ADGRE5: variants seen among roughly 807,000 people sequenced by gnomAD.
ADGRE5 encodes adhesion G protein-coupled receptor E5, also known as CD97 molecule.
ADGRE5 carries 72 observed loss-of-function variants against 100.3 expected under a neutral mutation model. The ratio of observed to expected loss-of-function variants is 0.72; its 90% CI spans 0.59 to 0.87. The LOEUF is 0.87. Among genes scored for constraint, ADGRE5 ranks in the 40% least tolerant of loss-of-function variants. The pLI, the probability that ADGRE5 is intolerant of heterozygous loss-of-function variation, is 0.00. For missense variants in ADGRE5, 959 were observed against 1,094.7 expected (o/e 0.88, Z 1.75); for synonymous variants, 439 against 447.8 (o/e 0.98, Z 0.25).
At chr19:14,385,335 C>T (rs1247509590) in intron 1 of ADGRE5, among the ~76,000 whole-genome samples, 1 of 151,930 alleles carries the variant, frequency 6.6e-6, no homozygotes, top group African/African-American at 2.4e-5. Flanking sequence ...CTCTCTGTCT[C>T]TTTGTGTCTC....
At position 14,406,911 on chromosome 19, in the gene ADGRE5, CAGA is replaced by C. The variant is rs1381247241; in HGVS notation, c.2161_2163del (p.Lys721del). ...CGTGACTACCGTCTGGAAGCTCACT[CAGA>C]AGTTTTCTGAAATCAATCCAGACAT... On this transcript the variant is annotated inframe_deletion, in exon 17 of 20. Transcript: ENST00000242786. The surrounding 1 kb of genome is among the most constrained non-coding windows in gnomAD (Gnocchi z 6.0). 2 of 1,614,162 alleles carry C rather than the reference CAGA, an allele frequency of 1.2e-6. No individual in the cohort carries two copies. Among genetic ancestry groups the C allele is most frequent in the African/African-American group, 1.3e-5 (1 of 75,052 alleles).
intron 6 of ADGRE5, 21 bp downstream of exon 6, chr19:14,397,244 G>A (rs553125179): frequency 4.3e-6 from 7 of 1,613,892 alleles, no homozygotes; most frequent in South Asian, 3.3e-5. Context: ...CAGATCCCAC[G>A]TTTCTAGCGA....
chr19:14,404,189 C>T (rs1422253681), intron 12 of ADGRE5, among the ~76,000 whole-genome samples, 194 bp from the exon 13 acceptor site: 2 of 152,184 alleles, frequency 1.3e-5, no homozygotes, highest in African/African-American at 4.8e-5. Context: ...ACCTCTCCCA[C>T]TCTTATGTCA....
At chr19:14,396,959 A>G in intron 5 of ADGRE5, 118 bp from the exon 6 acceptor site, 1 of 1,289,272 alleles carries the variant, frequency 7.8e-7, no homozygotes, top group Non-Finnish European at 1.1e-6. Flanking sequence ...AAGTGGCGGC[A>G]TGTGCAATAA....
intron 1 of ADGRE5, among the ~76,000 whole-genome samples, chr19:14,382,041 C>T (rs1445680899): frequency 6.6e-6 from 1 of 152,206 alleles, no homozygotes; most frequent in African/African-American, 2.4e-5. Flanking sequence ...CCCCGCAGAC[C>T]TGGCTGGGGC....
chr19:14,399,291 G>A lies in ADGRE5; in HGVS notation c.897+1152G>A, dbSNP rs567706368. On this transcript the variant is annotated intron_variant, in intron 9 of 19. Transcript: ENST00000242786. ...TATAAAAGCTTTCCTGGCCAAGCAC[G>A]GTGGCTCACGCCTGTAATCCCAGCA... Among the ~76,000 whole-genome samples the A allele has an allele frequency of 1.5e-4, 23 of 151,738 alleles. No individual in the cohort carries two copies. In the East Asian group the frequency reaches 2.9e-3, roughly 19 times the overall value.
At position 14,396,331 on chromosome 19, in the gene ADGRE5, T is replaced by C; in HGVS notation, c.347-11T>C. On this transcript the variant is annotated splice_polypyrimidine_tract_variant and intron_variant, in intron 4 of 19. Transcript: ENST00000242786. ...CTACGGGCATCCTTCACCCTCTCCT[T>C]CCTCTTGCAGATGTGGACGAATGTC... is the stretch of plus-strand genomic sequence containing the variant. 1 of 1,614,230 alleles carries C rather than the reference T, an allele frequency of 6.2e-7. No homozygotes were observed.
chr19:14,408,113 G>A lies in ADGRE5; in HGVS notation c.2500G>A (p.Gly834Ser), dbSNP rs143619017. The part of the protein sequence containing the change: ...QTRALRASES[G>S]I The stretch of plus-strand genomic sequence containing the variant: ...CCAGGCCCTCAGGGCATCAGAGTCC[G>A]GCATATGAAGGCGCATGGTTCTGGA... Residue 834 changes from glycine (G) to serine (S), a missense_variant, in exon 20 of 20, where the codon GGC (glycine) becomes AGC (serine). Physicochemically the swap from Gly to Ser is moderately conservative, Grantham distance 56. Transcript: ENST00000242786. 1.1e-4 allele frequency: 185 copies of A among 1,613,240 alleles called. 1 individual carries two copies. Among genetic ancestry groups the A allele is most frequent in the Admixed American group, 1.7e-4 (10 of 60,006 alleles).
In ADGRE5 at chr19:14,407,235, G is replaced by A. The variant is rs556271566; in HGVS notation, c.2376+6G>A. 3.7e-6 allele frequency: 6 copies of A among 1,613,784 alleles called. No individual in the cohort carries two copies. Among genetic ancestry groups the A allele is most frequent in the East Asian group, 4.5e-5 (2 of 44,900 alleles). On this transcript the variant is annotated splice_donor_region_variant and intron_variant, in intron 18 of 19. Transcript: ENST00000242786. ...ACTGCCTGCTCAACAAGAAGGTGGG[G>A]GCCTGGGCACAGTGGCGCACGCCTG...
In ADGRE5 at chr19:14,407,838, C is replaced by T. The variant is rs917229418; in HGVS notation, c.2377-70C>T. The T allele has an allele frequency of 3.1e-6, 4 of 1,302,954 alleles. No homozygotes were observed. In the African/African-American group the frequency reaches 4.4e-5, roughly 14 times the overall value. 80.7% of individuals were successfully genotyped at this position (1,302,954 alleles called of 1,614,324 possible). A position where few individuals can be genotyped will look rare whatever the true frequency, so the allele number is the denominator to read the frequency against. ...AACACCAAGAAGGTGGGGCTGAGGG[C>T]AGAGCATGGGGAGGAGCGTGCATGG... On this transcript the variant is annotated intron_variant, in intron 18 of 19. Transcript: ENST00000242786.
At chr19:14,387,344 G>A (rs925186461) in intron 1 of ADGRE5, among the ~76,000 whole-genome samples, 30 of 152,022 alleles carry the variant, frequency 2.0e-4, no homozygotes, top group African/African-American at 5.1e-4. Context: ...AGCCGAGCTC[G>A]GGAGGCTGAG....
chr19:14,381,613 G>A, intron 1 of ADGRE5, 68 bp downstream of exon 1: 1 of 1,542,126 alleles, frequency 6.5e-7, no homozygotes, highest in East Asian at 2.3e-5. Flanking sequence ...CTGCGTCTGA[G>A]AAACGGGAGG....
intron 1 of ADGRE5, among the ~76,000 whole-genome samples, chr19:14,382,285 G>A (rs1975185877): frequency 2.0e-5 from 3 of 152,188 alleles, no homozygotes; most frequent in Admixed American, 2.0e-4. Flanking sequence ...CAAGTGGCAG[G>A]TGTCAGCTCA....
chr19:14,400,783 C>A (rs1356087581), intron 9 of ADGRE5, among the ~76,000 whole-genome samples: 2 of 151,918 alleles, frequency 1.3e-5, no homozygotes, highest in East Asian at 3.9e-4. Flanking sequence ...CAGAGTGAGA[C>A]TTAGTCTCAG....
At chr19:14,392,758 C>T (rs1975644674) in intron 4 of ADGRE5, among the ~76,000 whole-genome samples, 1 of 151,662 alleles carries the variant, frequency 6.6e-6, no homozygotes, top group Non-Finnish European at 1.5e-5. Flanking sequence ...CAAAAATTAG[C>T]TGGGTGTGGT....
chr19:14,390,783 C>T, intron 3 of ADGRE5, 141 bp from the exon 4 acceptor site: 1 of 959,352 alleles, frequency 1.0e-6, no homozygotes, highest in Non-Finnish European at 1.6e-6. Context: ...CCAGCTGCAG[C>T]ATAGCCTGTG....
chr19:14,392,323 CAG>C (rs1975630197), intron 4 of ADGRE5, among the ~76,000 whole-genome samples: 1 of 143,442 alleles, frequency 7.0e-6, no homozygotes, highest in Non-Finnish European at 1.5e-5. Flanking sequence ...GTTTTTGAGA[CAG>C]AGTCTCACTC....
chr19:14,401,597 C>A lies in ADGRE5; in HGVS notation c.1075+34C>A. 1 of 1,607,674 alleles carries A rather than the reference C, an allele frequency of 6.2e-7. No homozygotes were observed. On this transcript the variant is annotated intron_variant, in intron 10 of 19. Transcript: ENST00000242786. This position sits in a 1 kb window ranked among gnomAD's most constrained non-coding sequence, Gnocchi z 4.1. ...TTGGCCTGGCCTGCCCTGCCCCAAC[C>A]CTGGGCCCCACCTGGTACCTGGGGT... is the stretch of plus-strand genomic sequence containing the variant.
intron 4 of ADGRE5, among the ~76,000 whole-genome samples, chr19:14,394,626 C>T (rs1477162430): frequency 1.3e-5 from 2 of 152,062 alleles, no homozygotes; most frequent in African/African-American, 4.8e-5. Flanking sequence ...CGTGTGGTGG[C>T]GCATTCCAGT....
Sources: gnomAD v4.1 joint callset for allele counts (sites outside exome capture counted in the v4.1 genomes callset) on GRCh38, gnomAD v4.1.1 for gene constraint, Gnocchi (gnomAD v3.1) non-coding constraint, MANE v1.5 for transcripts, NCBI Gene and HGNC (gene_info 2026-07-23, HGNC 2026-07-21) for gene names.